The following OCA2 variants were observed in gnomAD, a reference collection of about 807,000 sequenced individuals.
The protein encoded by OCA2 is P protein.
Under a neutral mutation model 100.2 loss-of-function variants are expected in OCA2, and 77 were observed. That is an observed-to-expected ratio of 0.77 (90% CI 0.64 to 0.93). The LOEUF (loss-of-function observed/expected upper bound fraction) is 0.93, where lower values mean the gene tolerates loss of function less well. Among genes scored for constraint, OCA2 ranks in the 40% least tolerant of loss-of-function variants. The probability of loss-of-function intolerance (pLI) is 0.00; values close to 1 mark genes in which losing one functional copy is unlikely to be tolerated. For synonymous variants in OCA2, 432 were observed against 439.2 expected (o/e 0.98, Z 0.21); for missense variants, 1,062 against 1,089.1 (o/e 0.98, Z 0.35).
chr15:27,968,299 G>A (rs1431201692), intron 14 of OCA2, among the ~76,000 whole-genome samples: 2 of 152,044 alleles, frequency 1.3e-5, no homozygotes, highest in Non-Finnish European at 2.9e-5. Context: ...TGAATCACAG[G>A]TGCCACAAAG....
intron 2 of OCA2, among the ~76,000 whole-genome samples, chr15:28,080,066 T>C (rs1338745658): frequency 6.6e-6 from 1 of 152,204 alleles, no homozygotes; most frequent in Non-Finnish European, 1.5e-5. Context: ...AAGCTGAACA[T>C]TACCTTCCAT....
At chr15:27,742,198 T>C in the OCA2 span, among the ~76,000 whole-genome samples, 15 of 152,210 alleles carry the variant, frequency 9.9e-5, no homozygotes, top group African/African-American at 2.6e-4. Flanking sequence ...TGCCTTCTGG[T>C]TGGGCCTTGA....
intron 17 of OCA2, among the ~76,000 whole-genome samples, chr15:27,953,843 T>C (rs2040120503): frequency 6.6e-6 from 1 of 152,054 alleles, no homozygotes; most frequent in Non-Finnish European, 1.5e-5. Flanking sequence ...TTCTGAGATT[T>C]TTGGTGCTCC....
chr15:27,772,331 A>G (rs895358032), intron 23 of OCA2, among the ~76,000 whole-genome samples: 1 of 152,136 alleles, frequency 6.6e-6, no homozygotes, highest in Non-Finnish European at 1.5e-5. Context: ...TACTACTACT[A>G]CTATTACTTT....
intron 19 of OCA2, among the ~76,000 whole-genome samples, chr15:27,891,328 A>C (rs1442343577): frequency 1.3e-5 from 2 of 152,252 alleles, no homozygotes; most frequent in Admixed American, 6.5e-5. Flanking sequence ...AAATGAATCA[A>C]AATAGAACTG....
chr15:27,732,493 C>T, the OCA2 span, among the ~76,000 whole-genome samples: 1 of 152,142 alleles, frequency 6.6e-6, no homozygotes, highest in Non-Finnish European at 1.5e-5. Flanking sequence ...GGGCTGCCAG[C>T]AGAAGACTTC....
At chr15:27,753,551 G>A (rs2030148427), downstream of OCA2, among the ~76,000 whole-genome samples, 1 of 152,054 alleles carries the variant, frequency 6.6e-6, no homozygotes, top group African/African-American at 2.4e-5. Flanking sequence ...GGCTAACACA[G>A]TGAAACCCCG....
intron 6 of OCA2, among the ~76,000 whole-genome samples, chr15:28,020,788 C>T (rs182008743): frequency 6.6e-6 from 1 of 152,298 alleles, no homozygotes; most frequent in Non-Finnish European, 1.5e-5. Context: ...AAGTGGAGTG[C>T]TTCTAAAACT....
At chr15:28,069,381 C>T (rs2044131396) in intron 2 of OCA2, among the ~76,000 whole-genome samples, 1 of 10,930 alleles carries the variant, frequency 9.1e-5, no homozygotes, top group African/African-American at 1.3e-3. Flanking sequence ...TCTCCCTCTC[C>T]CTCCCCCTCC....
At chr15:27,882,033 C>A (rs904009938) in intron 19 of OCA2, among the ~76,000 whole-genome samples, 1 of 152,190 alleles carries the variant, frequency 6.6e-6, no homozygotes, top group Non-Finnish European at 1.5e-5. Context: ...CCTCTTACCA[C>A]TGCTTTAGCT....
chr15:27,921,526 AACAC>A (rs766384443), intron 19 of OCA2, among the ~76,000 whole-genome samples: 5 of 150,314 alleles, frequency 3.3e-5, no homozygotes, highest in South Asian at 2.1e-4. Flanking sequence ...GATACACACA[AACAC>A]ACACACACAC....
intron 1 of OCA2, among the ~76,000 whole-genome samples, chr15:28,083,319 G>A (rs1243106722): frequency 7.9e-5 from 12 of 152,294 alleles, no homozygotes; most frequent in African/African-American, 2.9e-4. Context: ...AGAAAAACAT[G>A]ACATTCGAAG....
the OCA2 span, among the ~76,000 whole-genome samples, chr15:27,723,455 G>C: frequency 6.6e-6 from 1 of 152,044 alleles, no homozygotes; most frequent in East Asian, 1.9e-4. Context: ...CCTCACAGAT[G>C]CTAAACCTGC....
chr15:27,801,922 T>G (rs1383416672), intron 23 of OCA2, among the ~76,000 whole-genome samples: 1 of 152,186 alleles, frequency 6.6e-6, no homozygotes. Context: ...AACATTTCTA[T>G]TAAACATTTT....
intron 12 of OCA2, among the ~76,000 whole-genome samples, chr15:27,986,250 G>A (rs1217218939): frequency 6.6e-6 from 1 of 152,220 alleles, no homozygotes; most frequent in Non-Finnish European, 1.5e-5. Context: ...AAAGTAATCA[G>A]AAGCTAATGG....
At chr15:27,761,061 A>C (rs148899371) in intron 23 of OCA2, among the ~76,000 whole-genome samples, 1 of 152,288 alleles carries the variant, frequency 6.6e-6, no homozygotes, top group African/African-American at 2.4e-5. Flanking sequence ...ACTCTTATTC[A>C]ACATAGTACT....
At position 28,022,554 on chromosome 15, in the gene OCA2, G is replaced by A. The variant is rs183487020; in HGVS notation, c.593C>T (p.Pro198Leu). The change falls in exon 6 of 24, where the codon CCG becomes CTG. Residue 198 changes from proline (P) to leucine (L), a missense_variant. Physicochemically the swap from Pro to Leu is moderately conservative, Grantham distance 98. Transcript: ENST00000354638. ...CAGCTGCCAGAGCTTTCCTTGATCC[G>A]GATATAGGCTGAACAAAATCTGTAA... The part of the protein sequence containing the change: ...VLCSILFSLY[P>L]DQGKLWQLLA... The A allele has an allele frequency of 8.6e-5, 139 of 1,613,770 alleles. No individual in the cohort carries two copies. In the African/African-American group the frequency reaches 9.7e-4, roughly 11 times the overall value.
chr15:27,987,889 T>C (rs1365283599), intron 11 of OCA2, among the ~76,000 whole-genome samples: 1 of 152,212 alleles, frequency 6.6e-6, no homozygotes, highest in Non-Finnish European at 1.5e-5. Context: ...ACAGACACTA[T>C]TGTCTCTCAA....
chr15:27,901,926 T>G (rs574928474), intron 19 of OCA2, among the ~76,000 whole-genome samples: 24 of 152,072 alleles, frequency 1.6e-4, no homozygotes, highest in African/African-American at 5.5e-4. Context: ...GAGCCAGGGG[T>G]TTCTGAGAGA....
Sources: gnomAD v4.1 joint callset for allele counts (sites outside exome capture counted in the v4.1 genomes callset) on GRCh38, gnomAD v4.1.1 for gene constraint, MANE v1.5 for transcripts, NCBI Gene and HGNC (gene_info 2026-07-23, HGNC 2026-07-21) for gene names.